The following CRIM1 variants were observed in gnomAD, a reference collection of about 807,000 sequenced individuals.
CRIM1 encodes the protein cysteine rich transmembrane BMP regulator 1, also known as cysteine-rich motor neuron 1 protein.
Under a neutral mutation model 116.4 loss-of-function variants are expected in CRIM1, and 32 were observed. The ratio of observed to expected loss-of-function variants is 0.27; its 90% CI spans 0.21 to 0.37. The LOEUF (loss-of-function observed/expected upper bound fraction) is 0.37, where lower values mean the gene tolerates loss of function less well. Ranked by LOEUF, CRIM1 falls within the 10% of genes least tolerant of loss-of-function variation. The pLI, the probability that CRIM1 is intolerant of heterozygous loss-of-function variation, is 1.00. For missense variants in CRIM1, 1,331 were observed against 1,354.8 expected, an observed-to-expected ratio of 0.98 and a Z score of 0.28; for synonymous variants, 590 against 509.2, an observed-to-expected ratio of 1.16 and a Z score of -2.13.
chr2:36,512,129 C>T, intron 9 of CRIM1, 144 bp from the exon 10 acceptor site: 1 of 909,068 alleles, frequency 1.1e-6, no homozygotes, highest in Non-Finnish European at 1.7e-6. Context: ...AGCTAATTAC[C>T]CATCACTCCA....
chr2:36,419,642 C>G (rs940820048), intron 2 of CRIM1, among the ~76,000 whole-genome samples: 1 of 152,152 alleles, frequency 6.6e-6, no homozygotes, highest in Non-Finnish European at 1.5e-5. Flanking sequence ...GGGGGACTAG[C>G]TCTTTTAGTA....
chr2:36,501,046 A>G (rs1417932337), intron 8 of CRIM1, among the ~76,000 whole-genome samples: 1 of 152,182 alleles, frequency 6.6e-6, no homozygotes, highest in East Asian at 1.9e-4. Flanking sequence ...AAGAATTTTC[A>G]GTTGTGAATG....
At chr2:36,450,669 A>G (rs186885759) in intron 4 of CRIM1, among the ~76,000 whole-genome samples, 64 of 152,320 alleles carry the variant, frequency 4.2e-4, no homozygotes, top group African/African-American at 1.4e-3. Context: ...AGGAAAGGAA[A>G]TAAGATAAAA....
intron 4 of CRIM1, among the ~76,000 whole-genome samples, chr2:36,458,729 G>A (rs1489546750): frequency 6.6e-6 from 1 of 152,170 alleles, no homozygotes; most frequent in Non-Finnish European, 1.5e-5. Context: ...GCAGGTGAGT[G>A]AGAAGAGGAT....
Position 36,495,475 on chromosome 2 carries a change from ATTTTTTTTTTTTTT to A in CRIM1, c.1373-3736_1373-3723del, listed in dbSNP as rs1024205619. Among the ~76,000 whole-genome samples, 11 of 129,688 alleles carry A rather than the reference ATTTTTTTTTTTTTT, an allele frequency of 8.5e-5. No homozygotes were observed. In the South Asian group the frequency reaches 2.8e-3, roughly 33 times the overall value. The allele number at this position is 129,688 out of a possible 152,430, so 85.1% of individuals were successfully genotyped here. Reference sequence around the variant, plus strand: ...CTCAAGCCTCTTTATTTATTTATTTATTTTTTTTTTTTTTTTTTTTTGGATGAGAAACAGTCATA... The same window carrying A: ...CTCAAGCCTCTTTATTTATTTATTTATTTTTTTGGATGAGAAACAGTCATA... On this transcript the variant is annotated intron_variant, in intron 7 of 16. Transcript: ENST00000280527.
rs770341452 is a variant in CRIM1, at chr2:36,513,587, G to A, written c.1812G>A (p.Leu604=). ...EASASAGPPI[L]SGTCLTVDGH... The stretch of plus-strand genomic sequence containing the variant: ...CTGCTTCAGCTGGGCCACCCATCCT[G>A]TCGGGCACTTGTCTCACCGTGGATG... Residue 604 remains leucine, a synonymous_variant, in exon 11 of 17, where the codon CTG becomes CTA. Transcript: ENST00000280527. 1.2e-6 allele frequency: 2 copies of A among 1,614,036 alleles called. No individual in the cohort carries two copies. Among genetic ancestry groups the A allele is most frequent in the East Asian group, 4.5e-5 (2 of 44,892 alleles).
At chr2:36,434,560 T>G (rs890551503) in intron 2 of CRIM1, among the ~76,000 whole-genome samples, 34 of 152,184 alleles carry the variant, frequency 2.2e-4, no homozygotes, top group African/African-American at 6.5e-4. Flanking sequence ...GAAGATATAA[T>G]CTCTTCTTCA....
At chr2:36,483,276 C>T (rs11901183) in intron 7 of CRIM1, among the ~76,000 whole-genome samples, 110 of 152,326 alleles carry the variant, frequency 7.2e-4, no homozygotes, top group African/African-American at 2.5e-3. Context: ...ATAGACGACA[C>T]AGCCTTAATC....
At chr2:36,542,800 T>C (rs552435515) in intron 14 of CRIM1, among the ~76,000 whole-genome samples, 7 of 152,268 alleles carry the variant, frequency 4.6e-5, no homozygotes, top group Admixed American at 3.9e-4. Context: ...ATACCACACA[T>C]GAGAGTTTTT....
At chr2:36,450,289 G>A (rs556249174) in intron 4 of CRIM1, among the ~76,000 whole-genome samples, 22 of 152,252 alleles carry the variant, frequency 1.4e-4, no homozygotes, top group African/African-American at 5.1e-4. Flanking sequence ...CTACTTGCTG[G>A]CTCCTGGACC....
At chr2:36,358,960 G>A (rs956403087) in intron 1 of CRIM1, among the ~76,000 whole-genome samples, 4 of 151,872 alleles carry the variant, frequency 2.6e-5, no homozygotes, top group Non-Finnish European at 2.9e-5. Flanking sequence ...TACCCCAACC[G>A]CCCCCCGCCT....
chr2:36,484,525 T>A (rs1329094914), intron 7 of CRIM1, among the ~76,000 whole-genome samples: 3 of 152,150 alleles, frequency 2.0e-5, no homozygotes, highest in African/African-American at 7.2e-5. Context: ...TAAGAAAAAT[T>A]CAAGAGATGT....
chr2:36,484,683 T>A (rs1469725430), intron 7 of CRIM1, among the ~76,000 whole-genome samples: 1 of 152,144 alleles, frequency 6.6e-6, no homozygotes, highest in Non-Finnish European at 1.5e-5. Context: ...GTGATCTGAG[T>A]GTTCTTCAGG....
At chr2:36,402,081 G>A (rs915975639) in intron 2 of CRIM1, among the ~76,000 whole-genome samples, 1 of 152,202 alleles carries the variant, frequency 6.6e-6, no homozygotes, top group Non-Finnish European at 1.5e-5. Context: ...GAGCCTGGGT[G>A]TCATGCACCA....
intron 7 of CRIM1, among the ~76,000 whole-genome samples, chr2:36,498,852 T>C (rs1295252356): frequency 6.6e-6 from 1 of 152,192 alleles, no homozygotes; most frequent in East Asian, 1.9e-4. Context: ...CTGATTATTA[T>C]AAAAAATAAA....
At chr2:36,474,804 C>T (rs146438653) in intron 5 of CRIM1, among the ~76,000 whole-genome samples, 2,436 of 145,200 alleles carry the variant, frequency 0.017, 49 homozygotes, top group Middle Eastern at 0.043. Context: ...GCTCAGATGA[C>T]GCCACTCCAC....
chr2:36,405,045 G>C lies in CRIM1; in HGVS notation c.505+8258G>C, dbSNP rs72787252. Among the ~76,000 whole-genome samples the C allele has an allele frequency of 3.5e-3, 533 of 152,298 alleles. 4 individuals carry two copies. Among genetic ancestry groups the C allele is most frequent in the Non-Finnish European group, 6.3e-3 (426 of 68,032 alleles). ...AGGCTGTAGTACAACCCTGTGCTGT[G>C]TGTGGCCTAATAAAATGTTGTAAAT... On this transcript the variant is annotated intron_variant, in intron 2 of 16. Coordinates refer to ENST00000280527, the MANE Select transcript of CRIM1 (RefSeq NM_016441.3).
At chr2:36,544,854 G>C (rs1667206756) in intron 15 of CRIM1, among the ~76,000 whole-genome samples, 1 of 152,172 alleles carries the variant, frequency 6.6e-6, no homozygotes. Context: ...GAGTAATCAT[G>C]AATTAGTCAC....
chr2:36,448,834 AT>A (rs1676459766), intron 4 of CRIM1, among the ~76,000 whole-genome samples: 1 of 152,198 alleles, frequency 6.6e-6, no homozygotes, highest in Admixed American at 6.5e-5. Context: ...AAAACTTAAA[AT>A]AGAGTTTCTT....
Sources: gnomAD v4.1 joint callset for allele counts (sites outside exome capture counted in the v4.1 genomes callset) on GRCh38, gnomAD v4.1.1 for gene constraint, MANE v1.5 for transcripts, NCBI Gene and HGNC (gene_info 2026-07-23, HGNC 2026-07-21) for gene names.